Variants in SLC28A1 observed in about 807,000 individuals in gnomAD.
The protein encoded by SLC28A1 is solute carrier family 28 member 1, also known as sodium/nucleoside cotransporter 1.
In SLC28A1, 64 loss-of-function variants were observed where a neutral mutation model predicts 74.8. The ratio of observed to expected loss-of-function variants is 0.86; its 90% confidence interval spans 0.70 to 1.05. The LOEUF is 1.05. Among genes scored for constraint, SLC28A1 ranks in the 50% least tolerant of loss-of-function variants. The pLI is 0.00. For synonymous variants in SLC28A1, 359 were observed against 335.0 expected, an observed-to-expected ratio of 1.07 and a Z score of -0.78; for missense variants, 828 against 822.8, an observed-to-expected ratio of 1.01 and a Z score of -0.08.
intron 4 of SLC28A1, among the ~76,000 whole-genome samples, chr15:84,889,754 T>G (rs529004995): frequency 3.5e-5 from 3 of 86,398 alleles, no homozygotes; most frequent in African/African-American, 1.3e-4. Flanking sequence ...CCTTCCTTCC[T>G]TCCTTCCTTC....
chr15:84,952,297 A>G, the SLC28A1 span, among the ~76,000 whole-genome samples: 1 of 152,208 alleles, frequency 6.6e-6, no homozygotes, highest in Non-Finnish European at 1.5e-5. Context: ...TGCTCTCTAT[A>G]CAGACATCTT....
the SLC28A1 span, among the ~76,000 whole-genome samples, chr15:84,956,442 C>CTTTCTTTCTTTCTTTCTTTCTTT: frequency 8.0e-6 from 1 of 124,568 alleles, no homozygotes; most frequent in Non-Finnish European, 1.6e-5. Flanking sequence ...TTCCTTCCTT[C>CTTTCTTTCTTTCTTTCTTTCTTT]CTTTCTTTCT....
chr15:84,907,784 G>A (rs1967457369), intron 8 of SLC28A1, among the ~76,000 whole-genome samples: 1 of 152,174 alleles, frequency 6.6e-6, no homozygotes, highest in Non-Finnish European at 1.5e-5. Context: ...CTCTGTGCAG[G>A]GTGGAGCATG....
chr15:84,917,351 C>T (rs1167552661), intron 9 of SLC28A1, among the ~76,000 whole-genome samples: 1 of 152,160 alleles, frequency 6.6e-6, no homozygotes, highest in Non-Finnish European at 1.5e-5. Context: ...GCACTCAGTT[C>T]CCTCCCCAAG....
intron 8 of SLC28A1, among the ~76,000 whole-genome samples, chr15:84,908,098 G>A (rs1169108714): frequency 1.3e-5 from 2 of 151,980 alleles, no homozygotes; most frequent in African/African-American, 4.8e-5. Flanking sequence ...CGGCACAAGA[G>A]GCACTGCCTT....
At chr15:84,928,860 T>A (rs1970952300) in intron 12 of SLC28A1, among the ~76,000 whole-genome samples, 1 of 151,746 alleles carries the variant, frequency 6.6e-6, no homozygotes, top group Admixed American at 6.6e-5. Flanking sequence ...TCACCTCAGG[T>A]GATCCACCCG....
intron 12 of SLC28A1, among the ~76,000 whole-genome samples, chr15:84,932,487 T>C (rs1336990760): frequency 2.6e-5 from 4 of 152,160 alleles, no homozygotes; most frequent in African/African-American, 7.2e-5. Flanking sequence ...GTGGCTGTCA[T>C]AGAGGCAGAT....
the SLC28A1 span, among the ~76,000 whole-genome samples, chr15:84,974,600 T>C: frequency 5.7e-4 from 87 of 152,210 alleles, no homozygotes; most frequent in Admixed American, 9.2e-4. Flanking sequence ...AAGCATGTCT[T>C]GTGTGAGGGA....
chr15:84,944,148 C>G (rs917650286), intron 16 of SLC28A1, among the ~76,000 whole-genome samples: 6 of 152,210 alleles, frequency 3.9e-5, no homozygotes, highest in African/African-American at 1.4e-4. Flanking sequence ...CTGCACAGTT[C>G]TCAGTTCTTT....
intron 11 of SLC28A1, 151 bp downstream of exon 11, chr15:84,921,220 C>T: frequency 1.4e-6 from 1 of 712,380 alleles, no homozygotes; most frequent in South Asian, 1.5e-5. Context: ...CAGGGATACT[C>T]TGTTTGGGGG....
intron 9 of SLC28A1, among the ~76,000 whole-genome samples, chr15:84,914,288 C>T (rs758754494): frequency 3.3e-5 from 5 of 152,230 alleles, no homozygotes; most frequent in Non-Finnish European, 7.3e-5. Context: ...GCTCCACCCT[C>T]ATAACCTAAT....
intron 11 of SLC28A1, among the ~76,000 whole-genome samples, chr15:84,921,522 G>A (rs1488937045): frequency 1.3e-5 from 2 of 152,070 alleles, no homozygotes; most frequent in Non-Finnish European, 2.9e-5. Context: ...CAAAGTAAAT[G>A]TGACTCTGAA....
At chr15:84,940,817 A>G (rs574091456) in intron 15 of SLC28A1, 101 of 199,634 alleles carry the variant, frequency 5.1e-4, no homozygotes, top group African/African-American at 2.3e-3. Flanking sequence ...GATGCTTGGA[A>G]TAGAACAAGA....
At chr15:84,931,012 C>T (rs1971207091) in intron 12 of SLC28A1, among the ~76,000 whole-genome samples, 1 of 151,992 alleles carries the variant, frequency 6.6e-6, no homozygotes, top group Non-Finnish European at 1.5e-5. Context: ...ACCTTGTGAT[C>T]CTCCCACCTC....
At chr15:84,954,969 G>C in the SLC28A1 span, among the ~76,000 whole-genome samples, 2 of 152,096 alleles carry the variant, frequency 1.3e-5, no homozygotes, top group East Asian at 3.9e-4. Flanking sequence ...GGCAGTTTTG[G>C]TCTTGTTCGC....
At chr15:84,885,997 T>C (rs1303782446) in intron 1 of SLC28A1, 1 of 293,580 alleles carries the variant, frequency 3.4e-6, no homozygotes, top group Non-Finnish European at 5.1e-6. Flanking sequence ...TTATGCATCA[T>C]AGAGGATTTT....
chr15:84,956,690 A>C, the SLC28A1 span, among the ~76,000 whole-genome samples: 1 of 145,956 alleles, frequency 6.9e-6, no homozygotes, highest in East Asian at 2.0e-4. Flanking sequence ...TTTTTAATAG[A>C]GATAAGGTCT....
At chr15:84,919,235 T>A (rs1444803534) in intron 10 of SLC28A1, among the ~76,000 whole-genome samples, 1 of 152,174 alleles carries the variant, frequency 6.6e-6, no homozygotes, top group Non-Finnish European at 1.5e-5. Context: ...TGTGCTTATG[T>A]TCATAAAATA....
At chr15:84,890,840 G>A (rs1210858950) in intron 5 of SLC28A1, among the ~76,000 whole-genome samples, 2 of 152,198 alleles carry the variant, frequency 1.3e-5, no homozygotes, top group Non-Finnish European at 2.9e-5. Flanking sequence ...TGACATTGGA[G>A]TCTCACAGGC....
Sources: gnomAD v4.1 joint callset for allele counts (sites outside exome capture counted in the v4.1 genomes callset) on GRCh38, gnomAD v4.1.1 for gene constraint, MANE v1.5 for transcripts, NCBI Gene and HGNC (gene_info 2026-07-23, HGNC 2026-07-21) for gene names.